CYLD: variants seen among roughly 807,000 people sequenced by gnomAD.
The protein encoded by CYLD is ubiquitin carboxyl-terminal hydrolase CYLD.
In CYLD, 26 loss-of-function variants were observed where a neutral mutation model predicts 104.5. That is an observed-to-expected ratio of 0.25 (90% CI 0.18 to 0.35). The LOEUF is 0.35. Among genes scored for constraint, CYLD ranks in the 10% least tolerant of loss-of-function variants. CYLD has a pLI of 1.00. For synonymous variants in CYLD, 385 were observed against 399.9 expected, an observed-to-expected ratio of 0.96 and a Z score of 0.45; for missense variants, 703 against 1,136.1, an observed-to-expected ratio of 0.62 and a Z score of 5.48.
rs1298972089 is a variant in CYLD at position 50,781,300 on chromosome 16, A to C, written c.1573A>C (p.Thr525Pro). The part of the protein sequence containing the change: ...DGTFRGTRYF[T>P]CALKKALFVK... ...AACCTTCAGAGGCACTCGGTATTTC[A>C]CCTGTGCCCTGAAGAAGGCGCTGTT... is the stretch of plus-strand genomic sequence containing the variant. The change falls in exon 10 of 19, where the codon ACC becomes CCC. Residue 525 changes from threonine (T) to proline (P), a missense_variant. Physicochemically the swap from Thr to Pro is conservative, Grantham distance 38. Around this residue, in one of 5 missense-constraint regions of CYLD, gnomAD observed 125 missense variants for 325.4 expected, o/e 0.38. Transcript: ENST00000427738. 1 of 1,613,920 alleles carries C rather than the reference A, an allele frequency of 6.2e-7. No homozygotes were observed. The highest frequency in any genetic ancestry group is 8.5e-7 in the Non-Finnish European group (1 of 1,179,854).
intron 2 of CYLD, among the ~76,000 whole-genome samples, chr16:50,745,358 C>CTTT (rs780693607): frequency 3.8e-5 from 4 of 106,388 alleles, no homozygotes; most frequent in African/African-American, 1.8e-4. Context: ...TCTCTTTCCT[C>CTTT]TTTGTTTTTT....
In CYLD at chr16:50,749,684, GAAGTT is replaced by G. The variant is rs1567420102; in HGVS notation, c.-12_-8del. On this transcript the variant is annotated 5_prime_UTR_variant, in exon 3 of 19. Coordinates refer to ENST00000427738, the MANE Select transcript of CYLD (RefSeq NM_001378743.1). ...TTTCCCTTTTTTGAATTAGTATTTTGAAGTTAATATCACAATGAGTTCAGGCTTAT... is the reference window on the plus strand; with the variant it reads ...TTTCCCTTTTTTGAATTAGTATTTTGAATATCACAATGAGTTCAGGCTTAT... 5 of 1,612,422 alleles carry G rather than the reference GAAGTT, an allele frequency of 3.1e-6. No individual in the cohort carries two copies. The highest frequency in any genetic ancestry group is 2.2e-5 in the South Asian group (2 of 90,938).
chr16:50,752,343 C>A (rs1368048239), intron 4 of CYLD, among the ~76,000 whole-genome samples: 1 of 151,900 alleles, frequency 6.6e-6, no homozygotes, highest in African/African-American at 2.4e-5. Context: ...TTGGGGTACT[C>A]CATTTTTTTG....
At chr16:50,746,413 T>G (rs907735697) in intron 2 of CYLD, among the ~76,000 whole-genome samples, 4 of 152,244 alleles carry the variant, frequency 2.6e-5, no homozygotes, top group African/African-American at 9.6e-5. Flanking sequence ...CATTCAACTT[T>G]CTCTATCAGT....
intron 2 of CYLD, among the ~76,000 whole-genome samples, chr16:50,746,976 A>T (rs1034271922): frequency 2.0e-5 from 3 of 152,162 alleles, no homozygotes; most frequent in Non-Finnish European, 2.9e-5. Flanking sequence ...TAATATTTGA[A>T]GACATTGTTC....
rs375384664 is a variant in CYLD, at chr16:50,790,028, A to G, written c.2109-1530A>G. On this transcript the variant is annotated intron_variant, in intron 14 of 18. Transcript: ENST00000427738. ...AAACAAGAAAGAGAGGATAATAGAC[A>G]TGGAATATGGATTCTAACTGGAGTT... 2.0e-4 allele frequency among the ~76,000 whole-genome samples: 30 copies of G among 152,360 alleles called. 1 individual carries two copies. The highest frequency in any genetic ancestry group is 7.0e-4 in the African/African-American group (29 of 41,606).
intron 5 of CYLD, among the ~76,000 whole-genome samples, chr16:50,765,206 C>G (rs142379731): frequency 2.0e-5 from 3 of 152,126 alleles, no homozygotes; most frequent in African/African-American, 7.2e-5. Context: ...TGCCATTTTT[C>G]CAATAGCATG....
At position 50,754,328 on chromosome 16, in the gene CYLD, A is replaced by G. The variant is rs1479643041; in HGVS notation, c.817A>G (p.Ile273Val). The G allele has an allele frequency of 6.2e-7, 1 of 1,607,678 alleles. No homozygotes were observed. ...ATTATTTAATTTCTAGGATAACCCT[A>G]TTGGCAACTGGGATGGAAGATTTGA... ...YFVGVDMDNP[I>V]GNWDGRFDGV... The change falls in exon 5 of 19, where the codon ATT becomes GTT. Residue 273 changes from isoleucine to valine, a missense_variant. By Grantham distance (29) the Ile-to-Val change is conservative. Around this residue, in one of 5 missense-constraint regions of CYLD, gnomAD observed 123 missense variants for 213.3 expected, o/e 0.58. Coordinates refer to ENST00000427738, the MANE Select transcript of CYLD (RefSeq NM_001378743.1).
chr16:50,795,549 T>C (rs1971945094), intron 18 of CYLD: 1 of 702,838 alleles, frequency 1.4e-6, no homozygotes, highest in Admixed American at 2.0e-5. Context: ...TTCCTTTAGC[T>C]GCTCTCTCAG....
At chr16:50,742,502 A>C in intron 1 of CYLD, 1 of 308,076 alleles carries the variant, frequency 3.2e-6, no homozygotes, top group Non-Finnish European at 5.9e-6. Context: ...CCCAGAGGAG[A>C]GAGGACTTGG....
intron 5 of CYLD, among the ~76,000 whole-genome samples, chr16:50,754,926 TACAC>T (rs1214587190): frequency 6.7e-6 from 1 of 148,172 alleles, no homozygotes; most frequent in Admixed American, 6.8e-5. Flanking sequence ...TATACATATA[TACAC>T]ACATATGTAT....
At chr16:50,788,756 A>G (rs1371579183) in intron 14 of CYLD, among the ~76,000 whole-genome samples, 1 of 152,254 alleles carries the variant, frequency 6.6e-6, no homozygotes, top group African/African-American at 2.4e-5. Context: ...TAATTTGTCT[A>G]TGTAAAATAT....
Position 50,747,606 on chromosome 16 carries a change from A to G in CYLD, c.-123-1970A>G, listed in dbSNP as rs754704054. On this transcript the variant is annotated intron_variant, in intron 2 of 18. Transcript: ENST00000427738. ...ACCAACACTTCAGTTTGGTCCTTTA[A>G]AGGAATCCAACCAAATTGAGGGGTT... is the stretch of plus-strand genomic sequence containing the variant. Among the ~76,000 whole-genome samples, 9 of 152,222 alleles carry G rather than the reference A, an allele frequency of 5.9e-5. No homozygotes were observed. The South Asian group carries it at 1.0e-3, about 17-fold the overall frequency.
intron 3 of CYLD, among the ~76,000 whole-genome samples, chr16:50,751,057 T>C (rs1966574795): frequency 6.6e-6 from 1 of 152,242 alleles, no homozygotes; most frequent in Admixed American, 6.5e-5. Flanking sequence ...CTTCTTGATT[T>C]AATTTTTTTT....
chr16:50,777,762 TAAA>T, intron 7 of CYLD, 60 bp from the exon 8 acceptor site: 1 of 834,616 alleles, frequency 1.2e-6, no homozygotes, highest in Non-Finnish European at 2.1e-6. Flanking sequence ...TTTCTCTTAC[TAAA>T]AAAAAACTTT....
In CYLD at chr16:50,791,760, G is replaced by T. The variant is rs1287214281; in HGVS notation, c.2241+70G>T. Reference sequence around the variant, plus strand: ...AGTCTTAAGACTATTGGTAGTTTCAGTATCTATTGATTTTAACTAGCTGAG... The same window carrying T: ...AGTCTTAAGACTATTGGTAGTTTCATTATCTATTGATTTTAACTAGCTGAG... On this transcript the variant is annotated intron_variant, in intron 15 of 18. Coordinates refer to ENST00000427738, the MANE Select transcript of CYLD (RefSeq NM_001378743.1). The T allele has an allele frequency of 7.2e-6, 11 of 1,534,654 alleles. No homozygotes were observed. The Admixed American group carries it at 1.8e-4, about 26-fold the overall frequency.
intron 5 of CYLD, among the ~76,000 whole-genome samples, chr16:50,767,634 G>T (rs547008781): frequency 5.9e-4 from 90 of 152,180 alleles, no homozygotes; most frequent in African/African-American, 2.1e-3. Flanking sequence ...AATAAGTTAG[G>T]AGACTAGGGA....
rs2151047288 is a variant in CYLD, at chr16:50,796,311, C to T, written c.2687-13C>T. ...TTGACTGCCCTATAAAGAGTTCTTCCTCTGTGCCATAGGTGGTCAGAATGG... is the reference window on the plus strand; with the variant it reads ...TTGACTGCCCTATAAAGAGTTCTTCTTCTGTGCCATAGGTGGTCAGAATGG... On this transcript the variant is annotated splice_polypyrimidine_tract_variant and intron_variant, in intron 18 of 18. Transcript: ENST00000427738. 6.2e-7 allele frequency: 1 copy of T among 1,613,822 alleles called. No homozygotes were observed. The highest frequency in any genetic ancestry group is 2.2e-5 in the East Asian group (1 of 44,884).
At chr16:50,749,404 G>A (rs1966449593) in intron 2 of CYLD, 172 bp from the exon 3 acceptor site, 1 of 529,268 alleles carries the variant, frequency 1.9e-6, no homozygotes. Flanking sequence ...CAGTATGTAT[G>A]TCTTTTAGCC....
Sources: allele counts gnomAD v4.1 joint callset (sites outside exome capture counted in the v4.1 genomes callset), GRCh38; gene constraint gnomAD v4.1.1; regional missense constraint gnomAD v4.1.1; transcripts MANE v1.5; gene names NCBI Gene and HGNC (gene_info 2026-07-23, HGNC 2026-07-21).